Variants in SYNPR observed in about 807,000 individuals in gnomAD.
The protein encoded by SYNPR is synaptoporin.
SYNPR carries 23 observed loss-of-function variants against 32.9 expected under a neutral mutation model. The ratio of observed to expected loss-of-function variants is 0.70; its 90% CI spans 0.50 to 0.99. The LOEUF (loss-of-function observed/expected upper bound fraction) is 0.99. Ranked by LOEUF, SYNPR falls within the 50% of genes least tolerant of loss-of-function variation. SYNPR has a pLI of 0.00. For synonymous variants in SYNPR, 146 were observed against 135.9 expected (o/e 1.07, Z -0.52); for missense variants, 318 against 349.3 (o/e 0.91, Z 0.71).
At chr3:63,545,392 T>A (rs1235359180) in intron 3 of SYNPR, 1 of 152,118 alleles carries the variant, frequency 6.6e-6, no homozygotes, top group African/African-American at 2.4e-5. Flanking sequence ...CCAGAGTATA[T>A]AAATTCAAAA....
At chr3:63,419,275 C>T (rs570560700) in intron 2 of SYNPR, among the ~76,000 whole-genome samples, 1 of 152,306 alleles carries the variant, frequency 6.6e-6, no homozygotes, top group African/African-American at 2.4e-5. Flanking sequence ...AGTTGCCTCC[C>T]TGCCCCAGCC....
chr3:63,358,730 A>T (rs1269962056), intron 2 of SYNPR, among the ~76,000 whole-genome samples: 1 of 152,206 alleles, frequency 6.6e-6, no homozygotes, highest in East Asian at 1.9e-4. Flanking sequence ...CTATGCACTC[A>T]TCTAGATATT....
intron 2 of SYNPR, among the ~76,000 whole-genome samples, chr3:63,311,106 G>A (rs1221626326): frequency 1.3e-5 from 2 of 151,806 alleles, no homozygotes; most frequent in East Asian, 3.9e-4. Context: ...GCTTTTTTTT[G>A]TTGTTGTTGT....
At chr3:63,449,172 G>A (rs1321065307) in intron 2 of SYNPR, among the ~76,000 whole-genome samples, 2 of 152,278 alleles carry the variant, frequency 1.3e-5, no homozygotes, top group East Asian at 1.9e-4. Context: ...CAGAGAAGGT[G>A]CCTAAAGAAA....
intron 2 of SYNPR, chr3:63,443,438 T>G (rs770641879): frequency 5.0e-6 from 8 of 1,606,942 alleles, no homozygotes; most frequent in Non-Finnish European, 6.8e-6. Flanking sequence ...TTATCAATTC[T>G]TTTGTAAATG....
chr3:63,567,245 A>G (rs28559285), intron 4 of SYNPR, among the ~76,000 whole-genome samples: 20,177 of 151,998 alleles, frequency 0.13, 1,383 homozygotes, highest in African/African-American at 0.15. Context: ...GCACTACCCC[A>G]TTAAATCAGC....
In SYNPR at chr3:63,469,967, AC is replaced by A. The variant is rs746629545; in HGVS notation, c.85-10864del. 3.3e-5 allele frequency among the ~76,000 whole-genome samples: 5 copies of A among 152,340 alleles called. No individual in the cohort carries two copies. In the East Asian group the frequency reaches 9.6e-4, roughly 29 times the overall value. ...TCCATCTAATGACAGTTCTGAATTT[AC>A]TTTTCTCAAGTTACCCAGATGTTGT... is the stretch of plus-strand genomic sequence containing the variant. On this transcript the variant is annotated intron_variant, in intron 2 of 5. Coordinates refer to ENST00000478300, the MANE Select transcript of SYNPR (RefSeq NM_001130003.2).
intron 3 of SYNPR, among the ~76,000 whole-genome samples, chr3:63,481,258 G>C (rs1338847557): frequency 6.6e-6 from 1 of 152,042 alleles, no homozygotes; most frequent in African/African-American, 2.4e-5. Flanking sequence ...TTTAAAATAC[G>C]ATCAAATAAA....
At chr3:63,349,488 T>C (rs1274436086) in intron 2 of SYNPR, among the ~76,000 whole-genome samples, 4 of 152,252 alleles carry the variant, frequency 2.6e-5, no homozygotes, top group Non-Finnish European at 4.4e-5. Flanking sequence ...TTTAAAATTA[T>C]TTCTTTTATA....
At chr3:63,540,517 A>G (rs1224510904) in intron 3 of SYNPR, among the ~76,000 whole-genome samples, 1 of 152,038 alleles carries the variant, frequency 6.6e-6, no homozygotes, top group Non-Finnish European at 1.5e-5. Context: ...TGAGATTGAT[A>G]AAATGGAGAC....
At chr3:63,382,356 T>C (rs1464134171) in intron 2 of SYNPR, among the ~76,000 whole-genome samples, 1 of 152,212 alleles carries the variant, frequency 6.6e-6, no homozygotes, top group Non-Finnish European at 1.5e-5. Context: ...AGGGAGTAGT[T>C]AGGGTTCTCC....
intron 2 of SYNPR, among the ~76,000 whole-genome samples, chr3:63,300,968 A>C (rs540627583): frequency 1.2e-4 from 18 of 152,216 alleles, no homozygotes; most frequent in African/African-American, 3.8e-4. Context: ...TCTAAAAAAA[A>C]CCATATTGGC....
chr3:63,513,062 C>A, intron 3 of SYNPR, among the ~76,000 whole-genome samples: 1 of 152,128 alleles, frequency 6.6e-6, no homozygotes, highest in East Asian at 1.9e-4. Context: ...CAGTCTTCCT[C>A]CCCAGAATCG....
At chr3:63,611,993 G>A (rs1458166616) in intron 5 of SYNPR, among the ~76,000 whole-genome samples, 1 of 152,192 alleles carries the variant, frequency 6.6e-6, no homozygotes, top group Non-Finnish European at 1.5e-5. Flanking sequence ...ACAAGTAAAT[G>A]AGTCAGGAAA....
intron 2 of SYNPR, among the ~76,000 whole-genome samples, chr3:63,366,789 C>T (rs1368938567): frequency 6.6e-6 from 1 of 152,188 alleles, no homozygotes; most frequent in Non-Finnish European, 1.5e-5. Context: ...TTCTTTATAA[C>T]ACCTAGTTTT....
intron 3 of SYNPR, among the ~76,000 whole-genome samples, chr3:63,269,020 A>T (rs745704739): frequency 8.5e-5 from 13 of 152,252 alleles, no homozygotes; most frequent in Non-Finnish European, 1.6e-4. Context: ...TATATATTTA[A>T]GTATCCCTCA....
intron 2 of SYNPR, among the ~76,000 whole-genome samples, chr3:63,348,061 C>T (rs181477910): frequency 2.4e-4 from 37 of 152,210 alleles, no homozygotes; most frequent in Admixed American, 1.2e-3. Context: ...ATTTCAATTG[C>T]TGGATTGAAT....
chr3:63,509,941 C>T (rs1417718019), intron 3 of SYNPR, among the ~76,000 whole-genome samples: 1 of 149,640 alleles, frequency 6.7e-6, no homozygotes, highest in Non-Finnish European at 1.5e-5. Context: ...CTCTCCTTCC[C>T]CTCCTTTCTT....
intron 2 of SYNPR, among the ~76,000 whole-genome samples, chr3:63,450,205 T>C (rs746852967): frequency 1.3e-5 from 2 of 152,164 alleles, no homozygotes; most frequent in African/African-American, 4.8e-5. Flanking sequence ...AGAGTGATTA[T>C]TGCAAAAGCT....
Sources: gnomAD v4.1 joint callset for allele counts (sites outside exome capture counted in the v4.1 genomes callset) on GRCh38, gnomAD v4.1.1 for gene constraint, MANE v1.5 for transcripts, NCBI Gene and HGNC (gene_info 2026-07-23, HGNC 2026-07-21) for gene names.